SNAPC4: variants seen among roughly 807,000 people sequenced by gnomAD.
SNAPC4 encodes small nuclear RNA activating complex polypeptide 4, also known as snRNA-activating protein complex subunit 4.
SNAPC4 carries 127 observed loss-of-function variants against 151.3 expected under a neutral mutation model. That is an observed-to-expected ratio of 0.84 (90% confidence interval 0.73 to 0.97). SNAPC4 has a LOEUF of 0.97. SNAPC4 is among the 50% of genes least tolerant of loss of function. The probability of loss-of-function intolerance (pLI) is 0.00; values close to 1 mark genes in which losing one functional copy is unlikely to be tolerated. For synonymous variants in SNAPC4, 1,002 were observed against 824.4 expected, an observed-to-expected ratio of 1.22 and a Z score of -3.69; for missense variants, 2,186 against 1,935.0, an observed-to-expected ratio of 1.13 and a Z score of -2.43.
In SNAPC4 at chr9:136,395,195, T is replaced by C. The variant is rs1588766730; in HGVS notation, c.471+103A>G. 2.8e-6 allele frequency: 4 copies of C among 1,442,078 alleles called. No homozygotes were observed. The East Asian group carries it at 9.2e-5, about 33-fold the overall frequency. The allele number at this position is 1,442,078 out of a possible 1,614,324, so 89.3% of individuals were successfully genotyped here. ...TGAAGGAGGTTGGCCAATGTTATCTTGAACTCACAGGAATTCACGACTCCC... is the reference window on the plus strand; with the variant it reads ...TGAAGGAGGTTGGCCAATGTTATCTCGAACTCACAGGAATTCACGACTCCC... On this transcript the variant is annotated intron_variant, in intron 5 of 23. Coordinates refer to ENST00000684778, the MANE Select transcript of SNAPC4 (RefSeq NM_003086.4).
intron 2 of SNAPC4, 38 bp from the exon 3 acceptor site, chr9:136,397,061 C>A (rs1350597593): frequency 6.3e-7 from 1 of 1,596,358 alleles, no homozygotes; most frequent in Non-Finnish European, 8.6e-7. Flanking sequence ...TGGTAACCAG[C>A]GTCTTGGGCA....
At chr9:136,399,451 C>A (rs1588772514) in intron 1 of SNAPC4, among the ~76,000 whole-genome samples, 1 of 152,234 alleles carries the variant, frequency 6.6e-6, no homozygotes, top group African/African-American at 2.4e-5. Context: ...TCCGGGCCGG[C>A]GGAGACGCTT....
chr9:136,390,232 T>A (rs1343221529), intron 10 of SNAPC4, among the ~76,000 whole-genome samples: 1 of 151,950 alleles, frequency 6.6e-6, no homozygotes, highest in African/African-American at 2.4e-5. Context: ...ATGAAAACAC[T>A]TGGAAATGAC....
At chr9:136,395,074 G>A (rs568295975) in intron 5 of SNAPC4, among the ~76,000 whole-genome samples, 196 bp from the exon 6 acceptor site, 3 of 152,342 alleles carry the variant, frequency 2.0e-5, no homozygotes, top group Admixed American at 6.5e-5. Flanking sequence ...AGACAACACT[G>A]GCACCTCCAC....
Position 136,383,611 on chromosome 9 carries a change from A to G in SNAPC4, c.1558T>C (p.Ser520Pro), listed in dbSNP as rs1256765979. The G allele has an allele frequency of 8.1e-6, 13 of 1,611,958 alleles. No homozygotes were observed. Among genetic ancestry groups the G allele is most frequent in the Non-Finnish European group, 1.0e-5 (12 of 1,179,670 alleles). The stretch of plus-strand genomic sequence containing the variant: ...CTGCTGCTGCCGCTGCTGCTGGTAG[A>G]GCTCCACCGGACGCTGTGACGGGCC... The part of the protein sequence containing the change: ...RRARHSVRWS[S>P]TSSSGSSSGS... Residue 520 changes from serine (S) to proline (P), a missense_variant, in exon 16 of 24, where the codon TCT becomes CCT. Physicochemically the swap from Ser to Pro is moderately conservative, Grantham distance 74 (BLOSUM62 -1). Coordinates refer to ENST00000684778, the MANE Select transcript of SNAPC4 (RefSeq NM_003086.4). The surrounding 1 kb of genome is among the most constrained non-coding windows in gnomAD (Gnocchi z 4.2).
intron 18 of SNAPC4, among the ~76,000 whole-genome samples, 170 bp from the exon 19 acceptor site, chr9:136,381,562 G>A (rs902460244): frequency 1.3e-5 from 2 of 152,242 alleles, no homozygotes; most frequent in East Asian, 3.8e-4. Flanking sequence ...CCTGGACAAG[G>A]GTGGGCCCTG....
At chr9:136,392,388 C>G (rs1834108725) in intron 9 of SNAPC4, 134 bp downstream of exon 9, 1 of 935,828 alleles carries the variant, frequency 1.1e-6, no homozygotes, top group African/African-American at 1.6e-5. Context: ...ATGTGCTTGA[C>G]CCGGGTGGGT....
rs367974928 is a variant in SNAPC4, at chr9:136,378,565, C to G, written c.3262G>C (p.Val1088Leu). Residue 1088 changes from valine to leucine, a missense_variant, in exon 22 of 24, where the codon GTT (valine) becomes CTT (leucine). Val to Leu is a conservative substitution (Grantham distance 32, BLOSUM62 1). Coordinates refer to ENST00000684778, the MANE Select transcript of SNAPC4 (RefSeq NM_003086.4). ...AGGCTCACCACAGCTGGTACAGGAACAGGGAGAAGCCCCTGGGCTGTGAGC... is the reference window on the plus strand; with the variant it reads ...AGGCTCACCACAGCTGGTACAGGAAGAGGGAGAAGCCCCTGGGCTGTGAGC... ...WVLTAQGLLP[V>L]PVPAVVSLPR... 1.9e-6 allele frequency: 3 copies of G among 1,591,600 alleles called. No individual in the cohort carries two copies. Among genetic ancestry groups the G allele is most frequent in the Non-Finnish European group, 1.7e-6 (2 of 1,172,604 alleles).
At chr9:136,387,290 A>C (rs1833921318) in intron 13 of SNAPC4, among the ~76,000 whole-genome samples, 195 bp downstream of exon 13, 1 of 152,216 alleles carries the variant, frequency 6.6e-6, no homozygotes, top group African/African-American at 2.4e-5. Context: ...CTTGGAAAAC[A>C]CAGCTCAGCC....
intron 17 of SNAPC4, 26 bp downstream of exon 17, chr9:136,382,227 G>T (rs762384803): frequency 1.2e-6 from 2 of 1,608,974 alleles, no homozygotes; most frequent in African/African-American, 1.3e-5. Context: ...GGTGGCGTGC[G>T]CGTGGGTGTC....
rs143566542 is a variant in SNAPC4, at chr9:136,392,037, T to C, written c.880A>G (p.Lys294Glu). 1.2e-4 allele frequency: 198 copies of C among 1,612,388 alleles called. No individual in the cohort carries two copies. The highest frequency in any genetic ancestry group is 1.6e-4 in the Non-Finnish European group (190 of 1,179,966). The change falls in exon 10 of 24, where the codon AAG (lysine) becomes GAG (glutamate). Residue 294 changes from lysine to glutamate, a missense_variant. Lys to Glu is a moderately conservative substitution (Grantham distance 56). Coordinates refer to ENST00000684778, the MANE Select transcript of SNAPC4 (RefSeq NM_003086.4). ...WQNSEHPSIN[K>E]QEWSREEEER... ...TCCTCCTCCCTGCTCCACTCCTGCT[T>C]GTTGATGCTGGGGTGCTCCGAGTTC...
At chr9:136,399,729 G>A (rs538542029) in intron 1 of SNAPC4, among the ~76,000 whole-genome samples, 18 of 152,324 alleles carry the variant, frequency 1.2e-4, no homozygotes, top group African/African-American at 3.8e-4. Context: ...CAGGACGATG[G>A]GCGTTTAGGC....
At position 136,387,682 on chromosome 9, in the gene SNAPC4, G is replaced by A. The variant is rs528324027; in HGVS notation, c.1230+60C>T. 3.9e-5 allele frequency: 54 copies of A among 1,377,692 alleles called. 1 individual carries two copies. In the African/African-American group the frequency reaches 4.0e-4, roughly 10 times the overall value. The allele number at this position is 1,377,692 out of a possible 1,614,324, so 85.3% of individuals were successfully genotyped here. On this transcript the variant is annotated intron_variant, in intron 12 of 23. Transcript: ENST00000684778. The stretch of plus-strand genomic sequence containing the variant: ...AAGGGACCACTGGGGCACAGCAGCC[G>A]CTGAACACAGCCGCGTTACCTTCCC...
At chr9:136,391,792 T>C (rs1030556392) in intron 10 of SNAPC4, 150 bp downstream of exon 10, 1 of 837,354 alleles carries the variant, frequency 1.2e-6, no homozygotes, top group Non-Finnish European at 1.8e-6. Flanking sequence ...GGCAGGCTCC[T>C]TCCCTAGGGC....
intron 14 of SNAPC4, 22 bp downstream of exon 14, chr9:136,384,698 G>C (rs1323649579): frequency 8.4e-7 from 1 of 1,193,444 alleles, no homozygotes; most frequent in East Asian, 2.4e-5. Context: ...GAAACTAGAA[G>C]AACAAACTGT....
At position 136,392,521 on chromosome 9, in the gene SNAPC4, C is replaced by T. The variant is rs143863626; in HGVS notation, c.810+1G>A. The T allele has an allele frequency of 8.1e-6, 13 of 1,613,656 alleles. No homozygotes were observed. Among genetic ancestry groups the T allele is most frequent in the South Asian group, 7.7e-5 (7 of 91,082 alleles). ...GGGGCTCAGACCTGCCCCTGACTTA[C>T]GTTAATATTGGAAATCTTCTCCCAG... On this transcript the variant is annotated splice_donor_variant, in intron 9 of 23. Transcript: ENST00000684778. LOFTEE classifies it high-confidence loss of function.
chr9:136,381,206 G>C, intron 19 of SNAPC4, 116 bp downstream of exon 19: 1 of 831,716 alleles, frequency 1.2e-6, no homozygotes, highest in Admixed American at 2.0e-5. Flanking sequence ...GCATTTTCAA[G>C]GCTAGAAAAC....
At chr9:136,399,850 C>A (rs1832761808) in intron 1 of SNAPC4, among the ~76,000 whole-genome samples, 1 of 152,216 alleles carries the variant, frequency 6.6e-6, no homozygotes, top group African/African-American at 2.4e-5. Context: ...CGGCGCAGTC[C>A]CCGAGACGCA....
In SNAPC4 at chr9:136,378,484, G is replaced by A. The variant is rs1344850699; in HGVS notation, c.3343C>T (p.Pro1115Ser). The change falls in exon 22 of 24, where the codon CCC (proline) becomes TCC (serine). Residue 1115 changes from proline to serine, a missense_variant. Coordinates refer to ENST00000684778, the MANE Select transcript of SNAPC4 (RefSeq NM_003086.4). ...PAGLLATLLP[P>S]LTETRAAQGP... ...TGGGCCGCCCGAGTCTCAGTCAGGG[G>A]AGGCAGCAGAGTGGCCAGCAGCCCT... 8.2e-6 allele frequency: 13 copies of A among 1,591,976 alleles called. No individual in the cohort carries two copies. The highest frequency in any genetic ancestry group is 1.1e-5 in the Non-Finnish European group (13 of 1,174,692).
Sources: gnomAD v4.1 joint callset for allele counts (sites outside exome capture counted in the v4.1 genomes callset) on GRCh38, gnomAD v4.1.1 for gene constraint, Gnocchi (gnomAD v3.1) non-coding constraint, MANE v1.5 for transcripts, NCBI Gene and HGNC (gene_info 2026-07-23, HGNC 2026-07-21) for gene names.